Variants in IRS1 observed in about 807,000 individuals in gnomAD.
IRS1 encodes insulin receptor substrate 1.
Under a neutral mutation model 65.6 loss-of-function variants are expected in IRS1, and 34 were observed. The ratio of observed to expected loss-of-function variants is 0.52; its 90% CI spans 0.39 to 0.69. IRS1 has a LOEUF of 0.69. IRS1 is among the 30% of genes least tolerant of loss of function. The pLI is 0.00. For synonymous variants in IRS1, 699 were observed against 683.5 expected, an observed-to-expected ratio of 1.02 and a Z score of -0.35; for missense variants, 1,641 against 1,720.2, an observed-to-expected ratio of 0.95 and a Z score of 0.81.
At chr2:226,739,245 C>G (rs776000673) in intron 1 of IRS1, among the ~76,000 whole-genome samples, 1 of 152,200 alleles carries the variant, frequency 6.6e-6, no homozygotes, top group Non-Finnish European at 1.5e-5. Flanking sequence ...AAGGGAAAGT[C>G]TGAAGTTCAC....
chr2:226,732,696 TACACACACACAAACACACAC>T lies in IRS1; in HGVS notation c.*3556_*3575del, dbSNP rs1559144440. ...ATATATATACACACACACATATATA[TACACACACACAAACACACAC>T]ACACACACACACACACATATACAGC... On this transcript the variant is annotated 3_prime_UTR_variant, in exon 2 of 2. Transcript: ENST00000305123. 8.6e-6 allele frequency: 1 copy of T among 116,782 alleles called. No homozygotes were observed. The highest frequency in any genetic ancestry group is 9.2e-5 in the Admixed American group (1 of 10,846). 7.2% of individuals were successfully genotyped at this position (116,782 alleles called of 1,614,324 possible).
In IRS1 at chr2:226,799,146, G is replaced by T; in HGVS notation, c.-408C>A. The T allele has an allele frequency of 9.1e-7, 1 of 1,104,648 alleles. No homozygotes were observed. Among genetic ancestry groups the T allele is most frequent in the Non-Finnish European group, 1.1e-6 (1 of 894,026 alleles). 68.4% of individuals were successfully genotyped at this position (1,104,648 alleles called of 1,614,324 possible). On this transcript the variant is annotated 5_prime_UTR_variant, in exon 1 of 2. Transcript: ENST00000305123. This position sits in a 1 kb window ranked among gnomAD's most constrained non-coding sequence, Gnocchi z 6.1. ...CTGCGGTGCCCCTCCAGGAGCGCGCGCGCGCGCGCGCCTTCCCTCCTGAGT... is the reference window on the plus strand; with the variant it reads ...CTGCGGTGCCCCTCCAGGAGCGCGCTCGCGCGCGCGCCTTCCCTCCTGAGT...
At chr2:226,757,635 A>T (rs1938832231) in intron 1 of IRS1, among the ~76,000 whole-genome samples, 1 of 152,188 alleles carries the variant, frequency 6.6e-6, no homozygotes, top group Admixed American at 6.5e-5. Context: ...CTCATCTCAT[A>T]TTAGAGCTTG....
chr2:226,787,315 C>G (rs1162835293), intron 1 of IRS1, among the ~76,000 whole-genome samples: 4 of 152,092 alleles, frequency 2.6e-5, no homozygotes, highest in Non-Finnish European at 5.9e-5. Context: ...AGACAGGAAG[C>G]CATGGTTAGA....
intron 1 of IRS1, among the ~76,000 whole-genome samples, chr2:226,761,593 A>C (rs538254240): frequency 6.6e-5 from 10 of 152,252 alleles, no homozygotes; most frequent in African/African-American, 2.4e-4. Context: ...TTTCTTATCA[A>C]ACTTTAAATC....
In IRS1 at chr2:226,799,003, C is replaced by T; in HGVS notation, c.-265G>A. 2 of 1,424,918 alleles carry T rather than the reference C, an allele frequency of 1.4e-6. No homozygotes were observed. Among genetic ancestry groups the T allele is most frequent in the Non-Finnish European group, 1.8e-6 (2 of 1,085,852 alleles). The allele number at this position is 1,424,918 out of a possible 1,614,324, so 88.3% of individuals were successfully genotyped here. On this transcript the variant is annotated 5_prime_UTR_variant, in exon 1 of 2. Coordinates refer to ENST00000305123, the MANE Select transcript of IRS1 (RefSeq NM_005544.3). The surrounding 1 kb of genome is among the most constrained non-coding windows in gnomAD (Gnocchi z 6.1). ...GCAGTGCGTCCGGGGTGAGGGCAGCCCCGATCCTCCGAGAGCCAAGTCTCC... is the reference window on the plus strand; with the variant it reads ...GCAGTGCGTCCGGGGTGAGGGCAGCTCCGATCCTCCGAGAGCCAAGTCTCC...
At chr2:226,746,216 C>T (rs535178106) in intron 1 of IRS1, among the ~76,000 whole-genome samples, 8 of 152,170 alleles carry the variant, frequency 5.3e-5, no homozygotes, top group Non-Finnish European at 8.8e-5. Flanking sequence ...AAAGAAATCA[C>T]ATGAATATGC....
Position 226,736,042 on chromosome 2 carries a change from A to AT in IRS1, c.*229dup, listed in dbSNP as rs113636756. On this transcript the variant is annotated 3_prime_UTR_variant, in exon 2 of 2. Coordinates refer to ENST00000305123, the MANE Select transcript of IRS1 (RefSeq NM_005544.3). Reference sequence around the variant, plus strand: ...ACTCATTATTCTGGTGTCACAGTGCATTTTTTTTTTTCGCTTGGCACAATA... The same window carrying AT: ...ACTCATTATTCTGGTGTCACAGTGCATTTTTTTTTTTTCGCTTGGCACAATA... 8,415 of 146,318 alleles carry AT rather than the reference A, an allele frequency of 0.058. 722 individuals carry two copies. The highest frequency in any genetic ancestry group is 0.19 in the African/African-American group (7,738 of 40,230). The allele number at this position is 146,318 out of a possible 1,614,324, so 9.1% of individuals were successfully genotyped here. A position where few individuals can be genotyped will look rare whatever the true frequency, so the allele number is the denominator to read the frequency against.
Position 226,798,978 on chromosome 2 carries a change from G to A in IRS1, c.-240C>T. The A allele has an allele frequency of 3.5e-6, 5 of 1,440,600 alleles. No individual in the cohort carries two copies. Among genetic ancestry groups the A allele is most frequent in the Non-Finnish European group, 4.6e-6 (5 of 1,095,262 alleles). The allele number at this position is 1,440,600 out of a possible 1,614,324, so 89.2% of individuals were successfully genotyped here. A position where few individuals can be genotyped will look rare whatever the true frequency, so the allele number is the denominator to read the frequency against. ...CGGGCGCTTCACGCCCGGCGGGGAG[G>A]CAGTGCGTCCGGGGTGAGGGCAGCC... On this transcript the variant is annotated 5_prime_UTR_variant, in exon 1 of 2. Transcript: ENST00000305123. This position sits in a 1 kb window ranked among gnomAD's most constrained non-coding sequence, Gnocchi z 9.4.
chr2:226,749,583 A>T (rs1938631372), intron 1 of IRS1, among the ~76,000 whole-genome samples: 1 of 152,202 alleles, frequency 6.6e-6, no homozygotes, highest in Non-Finnish European at 1.5e-5. Context: ...ATAAGTCAGT[A>T]AGCTGGGACC....
Position 226,778,591 on chromosome 2 carries a change from C to A in IRS1, c.*21+16398G>T, listed in dbSNP as rs180858269. The stretch of plus-strand genomic sequence containing the variant: ...AAAGGTTAGAGTATATACATTACCA[C>A]TTTTGCATAATAGTCTTAAAAAGAA... On this transcript the variant is annotated intron_variant, in intron 1 of 1. Coordinates refer to ENST00000305123, the MANE Select transcript of IRS1 (RefSeq NM_005544.3). Among the ~76,000 whole-genome samples the A allele has an allele frequency of 1.5e-4, 23 of 152,196 alleles. No homozygotes were observed. In the East Asian group the frequency reaches 4.4e-3, roughly 29 times the overall value.
In IRS1 at chr2:226,797,584, C is replaced by G. The variant is rs1196396132; in HGVS notation, c.1155G>C (p.Ser385=). Residue 385 remains serine (S), a synonymous_variant, in exon 1 of 2, where the codon TCG becomes TCC. Transcript: ENST00000305123. This position sits in a 1 kb window ranked among gnomAD's most constrained non-coding sequence, Gnocchi z 8.1. ...ACGACAGACTGACCGGGCTGGTGGC[C>G]GAAGGCGAGCAGCGGGAAGCCGGCA... ...IPMPASRCSP[S]ATSPVSLSSS... is the part of the protein sequence containing the mutation. 2.5e-6 allele frequency: 4 copies of G among 1,591,700 alleles called. No homozygotes were observed. Among genetic ancestry groups the G allele is most frequent in the Non-Finnish European group, 1.7e-6 (2 of 1,171,282 alleles).
intron 1 of IRS1, among the ~76,000 whole-genome samples, chr2:226,748,356 G>A (rs1011600373): frequency 4.0e-5 from 6 of 149,360 alleles, no homozygotes; most frequent in Admixed American, 2.0e-4. Flanking sequence ...TTGAACCCAG[G>A]AGGTGGAGGT....
chr2:226,786,211 C>T (rs978554639), intron 1 of IRS1, among the ~76,000 whole-genome samples: 1 of 150,878 alleles, frequency 6.6e-6, no homozygotes, highest in African/African-American at 2.4e-5. Flanking sequence ...CATACGTGTG[C>T]GTGTGTCTTT....
chr2:226,797,510 C>CGTGGGAAGA lies in IRS1; in HGVS notation c.1220_1228dup (p.Leu407_Pro409dup). ...ACCAGACACCGAAGCACTAGATCGC[C>CGTGGGAAGA]GTGGGAAGAGACAATCCGAGGTGGA... On this transcript the variant is annotated inframe_insertion, in exon 1 of 2. Transcript: ENST00000305123. This position sits in a 1 kb window ranked among gnomAD's most constrained non-coding sequence, Gnocchi z 8.1. 6.2e-7 allele frequency: 1 copy of CGTGGGAAGA among 1,612,978 alleles called. No individual in the cohort carries two copies. The highest frequency in any genetic ancestry group is 8.5e-7 in the Non-Finnish European group (1 of 1,179,836).
chr2:226,795,352 G>A lies in IRS1; in HGVS notation c.3387C>T (p.Gly1129=), dbSNP rs766003841. ...FGAGAAVGGG[G]GSSSSSEDVK... is the part of the protein sequence containing the mutation. ...CATCCTCGCTGCTGCTGCTGCTACC[G>A]CCACCGCCCCCTACTGCTGCCCCCG... Residue 1129 remains glycine (G), a synonymous_variant, in exon 1 of 2, where the codon GGC becomes GGT. Coordinates refer to ENST00000305123, the MANE Select transcript of IRS1 (RefSeq NM_005544.3). 1.9e-5 allele frequency: 31 copies of A among 1,612,924 alleles called. No individual in the cohort carries two copies. Among genetic ancestry groups the A allele is most frequent in the East Asian group, 1.8e-4 (8 of 44,882 alleles).
chr2:226,770,670 G>T (rs1229321676), intron 1 of IRS1, among the ~76,000 whole-genome samples: 1 of 152,096 alleles, frequency 6.6e-6, no homozygotes, highest in African/African-American at 2.4e-5. Flanking sequence ...AACAGACAAA[G>T]CATTTTACAC....
rs770740222 is a variant in IRS1, at chr2:226,797,456, G to A, written c.1283C>T (p.Ser428Leu). ...GCAGGGACTGGAGCCATACTCATCC[G>A]AGGAGATGAAACCGCCATCGCTGGG... ...GSPSDGGFIS[S>L]DEYGSSPCDF... The change falls in exon 1 of 2, where the codon TCG becomes TTG. Residue 428 changes from serine (S) to leucine (L), a missense_variant. Physicochemically the swap from Ser to Leu is moderately radical, Grantham distance 145. Transcript: ENST00000305123. The surrounding 1 kb of genome is among the most constrained non-coding windows in gnomAD (Gnocchi z 8.1). The A allele has an allele frequency of 4.0e-5, 64 of 1,613,488 alleles. No homozygotes were observed. Among genetic ancestry groups the A allele is most frequent in the Admixed American group, 6.7e-5 (4 of 59,992 alleles).
At chr2:226,773,722 C>G (rs1250566762) in intron 1 of IRS1, among the ~76,000 whole-genome samples, 3 of 152,038 alleles carry the variant, frequency 2.0e-5, no homozygotes, top group Non-Finnish European at 4.4e-5. Flanking sequence ...TTTGTGAACT[C>G]CTTCCTACAC....
Sources: allele counts gnomAD v4.1 joint callset (sites outside exome capture counted in the v4.1 genomes callset), GRCh38; gene constraint gnomAD v4.1.1; non-coding constraint Gnocchi (gnomAD v3.1); transcripts MANE v1.5; gene names NCBI Gene and HGNC (gene_info 2026-07-23, HGNC 2026-07-21).